The following GRID2 variants were observed in gnomAD, a reference collection of about 807,000 sequenced individuals.
The protein encoded by GRID2 is glutamate receptor ionotropic, delta-2.
Under a neutral mutation model 114.8 loss-of-function variants are expected in GRID2, and 33 were observed. The observed-to-expected ratio is 0.29, with a 90% CI of 0.22 to 0.38. GRID2 has a LOEUF of 0.38. Ranked by LOEUF, GRID2 falls within the 10% of genes least tolerant of loss-of-function variation. GRID2 has a pLI of 1.00. For missense variants in GRID2, 1,184 were observed against 1,257.7 expected, an observed-to-expected ratio of 0.94 and a Z score of 0.89; for synonymous variants, 505 against 449.9, an observed-to-expected ratio of 1.12 and a Z score of -1.55.
intron 1 of GRID2, among the ~76,000 whole-genome samples, chr4:92,321,908 T>C (rs1350130006): frequency 2.0e-5 from 3 of 152,178 alleles, no homozygotes; most frequent in East Asian, 1.9e-4. Flanking sequence ...GATGGAATTT[T>C]CAAAGTCTCA....
chr4:93,095,715 G>A (rs933033965), intron 3 of GRID2, among the ~76,000 whole-genome samples: 37 of 151,828 alleles, frequency 2.4e-4, no homozygotes, highest in African/African-American at 7.7e-4. Flanking sequence ...AGACATTTAC[G>A]CTAAAAATTA....
chr4:93,414,706 T>TATATATATATATATATATATATA (rs1560595949), intron 9 of GRID2, among the ~76,000 whole-genome samples: 17 of 149,668 alleles, frequency 1.1e-4, no homozygotes, highest in Admixed American at 1.3e-4. Flanking sequence ...TATATATATA[T>TATATATATATATATATATATATA]TTCCTTTTTT....
At chr4:92,579,034 A>G (rs1265056437) in intron 1 of GRID2, among the ~76,000 whole-genome samples, 1 of 152,152 alleles carries the variant, frequency 6.6e-6, no homozygotes, top group African/African-American at 2.4e-5. Context: ...TTGAGTTTTA[A>G]TCTGAAGTCT....
intron 2 of GRID2, among the ~76,000 whole-genome samples, chr4:92,732,290 A>T (rs1309139293): frequency 6.6e-6 from 1 of 152,024 alleles, no homozygotes; most frequent in African/African-American, 2.4e-5. Flanking sequence ...TTAATTGCAT[A>T]TATGAACAGA....
At chr4:93,491,583 T>C (rs1727018224) in intron 12 of GRID2, among the ~76,000 whole-genome samples, 1 of 151,900 alleles carries the variant, frequency 6.6e-6, no homozygotes, top group Non-Finnish European at 1.5e-5. Context: ...AAAATTTTCC[T>C]GAAAATGTTT....
chr4:93,036,478 T>G (rs553124444), intron 2 of GRID2, among the ~76,000 whole-genome samples: 2 of 152,244 alleles, frequency 1.3e-5, no homozygotes, highest in African/African-American at 4.8e-5. Context: ...CTAGGAAAAT[T>G]AAGTTTTATT....
chr4:92,397,049 C>G (rs966913709), intron 1 of GRID2, among the ~76,000 whole-genome samples: 2 of 151,344 alleles, frequency 1.3e-5, no homozygotes, highest in African/African-American at 4.9e-5. Context: ...AGTTTTTTTT[C>G]AAGGCAAGTA....
intron 2 of GRID2, among the ~76,000 whole-genome samples, chr4:92,728,949 A>G (rs1370686748): frequency 6.6e-5 from 10 of 151,998 alleles, no homozygotes; most frequent in Non-Finnish European, 1.0e-4. Flanking sequence ...TTCCTATTAA[A>G]GGTTTTTATT....
intron 1 of GRID2, among the ~76,000 whole-genome samples, chr4:92,358,589 ATAACC>A (rs1433329464): frequency 1.3e-5 from 2 of 151,976 alleles, no homozygotes; most frequent in African/African-American, 4.8e-5. Context: ...CATTAATACT[ATAACC>A]TAAATAAAAT....
chr4:93,607,382 C>T (rs1560810426), intron 13 of GRID2, among the ~76,000 whole-genome samples: 1 of 152,044 alleles, frequency 6.6e-6, no homozygotes, highest in Non-Finnish European at 1.5e-5. Flanking sequence ...CCTTGTATAG[C>T]TCTAGTAGAT....
chr4:92,700,559 TATTC>T (rs1208383260), intron 2 of GRID2, among the ~76,000 whole-genome samples: 2 of 152,188 alleles, frequency 1.3e-5, no homozygotes, highest in African/African-American at 4.8e-5. Flanking sequence ...CTTGTTCACT[TATTC>T]ATTAATTTAC....
At chr4:93,349,775 C>T (rs527885871) in intron 8 of GRID2, among the ~76,000 whole-genome samples, 12 of 151,466 alleles carry the variant, frequency 7.9e-5, no homozygotes, top group African/African-American at 1.2e-4. Context: ...TATTTAAAAC[C>T]GAAAACAAAT....
At chr4:93,251,748 A>G (rs1296965728) in intron 8 of GRID2, among the ~76,000 whole-genome samples, 1 of 152,140 alleles carries the variant, frequency 6.6e-6, no homozygotes, top group Admixed American at 6.5e-5. Flanking sequence ...CCCACTTATA[A>G]ATGAGAACAT....
chr4:93,010,555 A>T (rs1049329890), intron 2 of GRID2, among the ~76,000 whole-genome samples: 1 of 152,176 alleles, frequency 6.6e-6, no homozygotes, highest in Non-Finnish European at 1.5e-5. Flanking sequence ...TTGACGCCAG[A>T]AAGGTACCTT....
chr4:93,116,196 A>G (rs1204264122), intron 4 of GRID2, among the ~76,000 whole-genome samples: 1 of 152,172 alleles, frequency 6.6e-6, no homozygotes. Context: ...TAGTAATTGT[A>G]AAGACAATAT....
intron 2 of GRID2, among the ~76,000 whole-genome samples, chr4:92,850,655 G>A (rs1224750303): frequency 6.6e-6 from 1 of 151,782 alleles, no homozygotes; most frequent in African/African-American, 2.4e-5. Context: ...TTTCAAGAAA[G>A]GTGAATCTGA....
chr4:93,485,237 C>A (rs1452281945), intron 11 of GRID2, among the ~76,000 whole-genome samples: 1 of 151,434 alleles, frequency 6.6e-6, no homozygotes, highest in African/African-American at 2.4e-5. Flanking sequence ...ATCCATTTTT[C>A]TGATTGTTGT....
chr4:92,685,491 T>TAA (rs1277354808), intron 2 of GRID2, among the ~76,000 whole-genome samples: 3 of 152,050 alleles, frequency 2.0e-5, no homozygotes, highest in Admixed American at 6.5e-5. Context: ...ATATTACAGA[T>TAA]AAGTTAAAAA....
intron 1 of GRID2, among the ~76,000 whole-genome samples, chr4:92,337,726 C>G (rs1727261724): frequency 6.6e-6 from 1 of 152,166 alleles, no homozygotes; most frequent in Non-Finnish European, 1.5e-5. Flanking sequence ...CCCACCAGGT[C>G]TCTCCCTTGA....
Sources: gnomAD v4.1 joint callset for allele counts (sites outside exome capture counted in the v4.1 genomes callset) on GRCh38, gnomAD v4.1.1 for gene constraint, MANE v1.5 for transcripts, NCBI Gene and HGNC (gene_info 2026-07-23, HGNC 2026-07-21) for gene names.